The following LSM12 variants were observed in gnomAD, a reference collection of about 807,000 sequenced individuals.
LSM12 encodes LSM12 homolog.
For missense variants in LSM12, 108 were observed against 238.9 expected (o/e 0.45, Z 3.61); for synonymous variants, 74 against 87.3 (o/e 0.85, Z 0.85).
intron 4 of LSM12, 55 bp downstream of exon 4, chr17:44,037,357 G>GA (rs2049429718): frequency 2.6e-6 from 4 of 1,520,950 alleles, no homozygotes; most frequent in Admixed American, 2.2e-5. Context: ...GCTAAAGACT[G>GA]AAGGCCTGAG....
rs79325562 is a variant in LSM12 at position 44,053,575 on chromosome 17, G to A, written c.258+10226C>T. 2.7e-3 allele frequency among the ~76,000 whole-genome samples: 411 copies of A among 152,244 alleles called. 3 individuals are homozygous for A. The highest frequency in any genetic ancestry group is 0.014 in the Middle Eastern group (4 of 294). On this transcript the variant is annotated intron_variant, in intron 2 of 4. Transcript: ENST00000293406. ...TCCCAGCACCTTGAAGGGAGAGAGT[G>A]CAAGAGGGAAGACAGAAAAAAGGAG...
At chr17:44,060,342 C>T (rs893318713) in intron 2 of LSM12, among the ~76,000 whole-genome samples, 1 of 152,118 alleles carries the variant, frequency 6.6e-6, no homozygotes, top group African/African-American at 2.4e-5. Context: ...AAAAATGAGA[C>T]TAACTTTTCA....
At chr17:44,058,538 C>CA (rs200262441) in intron 2 of LSM12, among the ~76,000 whole-genome samples, 1,731 of 149,966 alleles carry the variant, frequency 0.012, 17 homozygotes, top group South Asian at 0.02. Context: ...CCTGTCTCTA[C>CA]AAAAAAAAAC....
chr17:44,038,476 A>G (rs576484517), intron 3 of LSM12, among the ~76,000 whole-genome samples: 1 of 152,022 alleles, frequency 6.6e-6, no homozygotes, highest in Non-Finnish European at 1.5e-5. Flanking sequence ...GGTCAACATG[A>G]TGAAACTGTC....
At chr17:44,047,025 C>A (rs992681732) in intron 2 of LSM12, among the ~76,000 whole-genome samples, 1 of 151,920 alleles carries the variant, frequency 6.6e-6, no homozygotes, top group Non-Finnish European at 1.5e-5. Context: ...CCACAGCGCC[C>A]GGCCCTAATG....
rs1289491832 is a variant in LSM12, at chr17:44,041,322, CACACACACACAA to C, written c.259-1078_259-1067del. On this transcript the variant is annotated intron_variant, in intron 2 of 4. Coordinates refer to ENST00000293406, the MANE Select transcript of LSM12 (RefSeq NM_001371445.1). The stretch of plus-strand genomic sequence containing the variant: ...ACACACACACACACACACACACACA[CACACACACACAA>C]ACACACACACACACACAGAATTTCC... Among the ~76,000 whole-genome samples, 353 of 144,870 alleles carry C rather than the reference CACACACACACAA, an allele frequency of 2.4e-3. 2 individuals carry two copies. The highest frequency in any genetic ancestry group is 0.01 in the Middle Eastern group (3 of 288).
chr17:44,048,018 AACACACACACACACACACACACACACAC>A (rs57164806), intron 2 of LSM12, among the ~76,000 whole-genome samples: 1 of 137,388 alleles, frequency 7.3e-6, no homozygotes, highest in South Asian at 2.5e-4. Flanking sequence ...GTCCGTATTA[AACACACACACACACACACACACACACAC>A]ACACACACAC....
chr17:44,055,265 A>G (rs560055174), intron 2 of LSM12, among the ~76,000 whole-genome samples: 1 of 152,094 alleles, frequency 6.6e-6, no homozygotes, highest in Admixed American at 6.6e-5. Context: ...CCACATTCAC[A>G]TACCTTCTTA....
intron 1 of LSM12, among the ~76,000 whole-genome samples, chr17:44,065,104 G>A (rs2049853999): frequency 6.7e-6 from 1 of 148,392 alleles, no homozygotes; most frequent in South Asian, 2.1e-4. Context: ...TTGCACTCCA[G>A]CCTGGGCAAT....
chr17:44,044,100 T>A (rs1234715224), intron 2 of LSM12, among the ~76,000 whole-genome samples: 2 of 151,948 alleles, frequency 1.3e-5, no homozygotes, highest in African/African-American at 2.4e-5. Flanking sequence ...AAACATAACA[T>A]CACCCCATTT....
At chr17:44,058,520 A>G (rs1421915478) in intron 2 of LSM12, among the ~76,000 whole-genome samples, 1 of 151,856 alleles carries the variant, frequency 6.6e-6, no homozygotes, top group East Asian at 1.9e-4. Context: ...TGGGCCACAC[A>G]GTAAGACCCT....
intron 2 of LSM12, among the ~76,000 whole-genome samples, chr17:44,048,588 T>C (rs950217942): frequency 3.3e-5 from 5 of 152,016 alleles, no homozygotes; most frequent in African/African-American, 7.2e-5. Context: ...ACCAATCAGT[T>C]AGAAGCACTA....
chr17:44,059,579 C>A (rs2144109032), intron 2 of LSM12, among the ~76,000 whole-genome samples: 1 of 152,220 alleles, frequency 6.6e-6, no homozygotes, highest in East Asian at 1.9e-4. Flanking sequence ...CTACTGCAAC[C>A]CTACTGTCCT....
In LSM12 at chr17:44,040,210, G is replaced by A. The variant is rs1242724088; in HGVS notation, c.305C>T (p.Ala102Val). The change falls in exon 3 of 5, where the codon GCC (alanine) becomes GTC (valine). Residue 102 changes from alanine to valine, a missense_variant. Coordinates refer to ENST00000293406, the MANE Select transcript of LSM12 (RefSeq NM_001371445.1). The stretch of plus-strand genomic sequence containing the variant: ...AGAGACACCAGCACTGATTGCATAG[G>A]CCTGGCTCAGCTTCTCCTCCTTCTC... ...RTEKEEKLSQ[A>V]YAISAGVSLE... is the part of the protein sequence containing the mutation. The A allele has an allele frequency of 3.7e-6, 6 of 1,613,932 alleles. No individual in the cohort carries two copies. The highest frequency in any genetic ancestry group is 5.1e-6 in the Non-Finnish European group (6 of 1,179,942).
rs368424015 is a variant in LSM12, at chr17:44,063,795, C to T, written c.258+6G>A. Reference sequence around the variant, plus strand: ...TAGAGAGCCAGATCTGCCCTTGAGTCCTTACCTTACTAACATTGAGTGAAG... The same window carrying T: ...TAGAGAGCCAGATCTGCCCTTGAGTTCTTACCTTACTAACATTGAGTGAAG... On this transcript the variant is annotated splice_donor_region_variant and intron_variant, in intron 2 of 4. Transcript: ENST00000293406. 1.2e-4 allele frequency: 200 copies of T among 1,612,864 alleles called. No individual in the cohort carries two copies. The highest frequency in any genetic ancestry group is 1.6e-4 in the Non-Finnish European group (192 of 1,179,718).
upstream of LSM12, chr17:44,066,763 A>C: frequency 2.6e-6 from 2 of 758,914 alleles, no homozygotes; most frequent in African/African-American, 1.8e-5. Flanking sequence ...AGAGGAAATA[A>C]AGGGGAATCT....
intron 2 of LSM12, among the ~76,000 whole-genome samples, chr17:44,051,651 C>T (rs2049645944): frequency 6.6e-6 from 1 of 151,828 alleles, no homozygotes; most frequent in South Asian, 2.1e-4. Flanking sequence ...TCTAGAATAC[C>T]TAAGAGTAAA....
intron 2 of LSM12, among the ~76,000 whole-genome samples, chr17:44,055,043 A>G (rs1046882856): frequency 6.6e-6 from 1 of 151,054 alleles, no homozygotes; most frequent in African/African-American, 2.4e-5. Flanking sequence ...TATTTTTAGT[A>G]TTTTCACCAT....
chr17:44,039,818 A>G (rs1014908811), intron 3 of LSM12, among the ~76,000 whole-genome samples: 15 of 152,250 alleles, frequency 9.9e-5, no homozygotes, highest in African/African-American at 3.6e-4. Context: ...GAAAGGCACA[A>G]AACAACAAAA....
Sources: allele counts gnomAD v4.1 joint callset (sites outside exome capture counted in the v4.1 genomes callset), GRCh38; gene constraint gnomAD v4.1.1; transcripts MANE v1.5; gene names NCBI Gene and HGNC (gene_info 2026-07-23, HGNC 2026-07-21).